Variants in GPC3 observed in about 807,000 individuals in gnomAD.
GPC3 encodes the protein glypican 3.
In GPC3, 3 loss-of-function variants were observed where a neutral mutation model predicts 34.4. That is an observed-to-expected ratio of 0.09 (90% CI 0.04 to 0.23). GPC3 has a LOEUF of 0.23. GPC3 is among the 10% of genes least tolerant of loss of function. The pLI is 1.00. For synonymous variants in GPC3, 177 were observed against 174.0 expected (o/e 1.02, Z -0.13); for missense variants, 351 against 445.6 (o/e 0.79, Z 1.91).
At chrX:133,937,124 A>C (rs1462687686) in intron 2 of GPC3, among the ~76,000 whole-genome samples, 2 of 110,379 alleles carry the variant, frequency 1.8e-5, no homozygotes, top group African/African-American at 3.3e-5. Flanking sequence ...GGGAAAACTA[A>C]AGCTCAGAGA....
At chrX:133,967,678 G>T (rs1569460474) in intron 1 of GPC3, among the ~76,000 whole-genome samples, 1 of 112,261 alleles carries the variant, frequency 8.9e-6, no homozygotes, top group Non-Finnish European at 1.9e-5. Flanking sequence ...GCCCAGGCTG[G>T]AGTGCAATGG....
At chrX:133,627,219 C>G (rs1423162015) in intron 6 of GPC3, among the ~76,000 whole-genome samples, 1 of 104,858 alleles carries the variant, frequency 9.5e-6, no homozygotes, top group Non-Finnish European at 2.0e-5. Context: ...ATGTAAATGA[C>G]GAGTCAATGG....
intron 1 of GPC3, among the ~76,000 whole-genome samples, chrX:133,984,134 C>A (rs887416479): frequency 3.5e-5 from 4 of 113,470 alleles, no homozygotes; most frequent in African/African-American, 1.3e-4. Flanking sequence ...GAGCCACCAG[C>A]CAAGTTTTGG....
chrX:133,802,021 C>A (rs1030736290), intron 2 of GPC3, among the ~76,000 whole-genome samples: 1 of 111,914 alleles, frequency 8.9e-6, no homozygotes, highest in South Asian at 3.7e-4. Context: ...CATTTCTGTT[C>A]GCCATTCCCA....
intron 3 of GPC3, among the ~76,000 whole-genome samples, chrX:133,748,774 C>T (rs998079790): frequency 1.8e-5 from 2 of 111,889 alleles, no homozygotes; most frequent in Admixed American, 9.5e-5. Context: ...CTGAACCTAA[C>T]ACTGCATTTA....
intron 2 of GPC3, among the ~76,000 whole-genome samples, chrX:133,757,555 A>G (rs755614502): frequency 9.0e-6 from 1 of 111,597 alleles, no homozygotes; most frequent in Non-Finnish European, 1.9e-5. Flanking sequence ...GGGCCTTTTC[A>G]GTAGTAGCTG....
intron 2 of GPC3, among the ~76,000 whole-genome samples, chrX:133,796,170 C>T (rs898735473): frequency 9.1e-6 from 1 of 110,126 alleles, no homozygotes; most frequent in Non-Finnish European, 1.9e-5. Flanking sequence ...TGGTCTCAAT[C>T]TCCTCACCTC....
intron 6 of GPC3, among the ~76,000 whole-genome samples, chrX:133,651,572 C>T (rs2070603864): frequency 9.0e-6 from 1 of 111,586 alleles, no homozygotes; most frequent in Admixed American, 9.6e-5. Flanking sequence ...CTAGTTTTCT[C>T]CTGTCATTGC....
At chrX:133,951,543 C>T (rs2076393214) in intron 2 of GPC3, among the ~76,000 whole-genome samples, 1 of 111,367 alleles carries the variant, frequency 9.0e-6, no homozygotes, top group Admixed American at 9.6e-5. Flanking sequence ...CTGCTTCAAC[C>T]CAATTCTCAT....
chrX:133,866,273 T>C lies in GPC3; in HGVS notation c.337+86777A>G, dbSNP rs778181367. On this transcript the variant is annotated intron_variant, in intron 2 of 7. Transcript: ENST00000370818. ...TTTTAGTGCACAACTGAGCATTAGGTTGCTATTTATTTAGGGGATTTTCAG... is the reference window on the plus strand; with the variant it reads ...TTTTAGTGCACAACTGAGCATTAGGCTGCTATTTATTTAGGGGATTTTCAG... 2.7e-5 allele frequency among the ~76,000 whole-genome samples: 3 copies of C among 111,871 alleles called. No individual in the cohort carries two copies. The South Asian group carries it at 1.1e-3, about 42-fold the overall frequency.
intron 6 of GPC3, among the ~76,000 whole-genome samples, chrX:133,610,163 A>G (rs1281509419): frequency 9.0e-6 from 1 of 111,557 alleles, no homozygotes; most frequent in Admixed American, 9.5e-5. Context: ...AACTCTTCCT[A>G]TTTTGGCTAG....
Position 133,536,281 on chromosome X carries a change from T to C in GPC3, c.1586A>G (p.Asp529Gly), listed in dbSNP as rs2069291174. The change falls in exon 8 of 8, where the codon GAT (aspartate) becomes GGT (glycine). Residue 529 changes from aspartate (D) to glycine (G), a missense_variant. Physicochemically the swap from Asp to Gly is moderately conservative, Grantham distance 94. Coordinates refer to ENST00000370818, the MANE Select transcript of GPC3 (RefSeq NM_004484.4). ...QLRFLAELAY[D>G]LDVDDAPGNS... Reference sequence around the variant, plus strand: ...TCCAGGCGCATCATCCACATCCAGATCATAGGCCAGTTCTGTCAATCAAAA... The same window carrying C: ...TCCAGGCGCATCATCCACATCCAGACCATAGGCCAGTTCTGTCAATCAAAA... 1 of 1,198,970 alleles carries C rather than the reference T, an allele frequency of 8.3e-7. No homozygotes were observed. Among genetic ancestry groups the C allele is most frequent in the Admixed American group, 2.2e-5 (1 of 45,507 alleles).
intron 2 of GPC3, among the ~76,000 whole-genome samples, chrX:133,773,062 A>T (rs1410568246): frequency 9.0e-6 from 1 of 110,521 alleles, no homozygotes; most frequent in Non-Finnish European, 1.9e-5. Flanking sequence ...TATTTTTATT[A>T]TTATTATTAT....
intron 4 of GPC3, among the ~76,000 whole-genome samples, chrX:133,696,623 T>C (rs2071120778): frequency 9.0e-6 from 1 of 111,729 alleles, no homozygotes; most frequent in South Asian, 3.8e-4. Context: ...TAGTAGCCCA[T>C]GACAGACAAC....
At chrX:133,881,783 T>C (rs1212842309) in intron 2 of GPC3, among the ~76,000 whole-genome samples, 4 of 112,456 alleles carry the variant, frequency 3.6e-5, no homozygotes, top group Non-Finnish European at 5.6e-5. Context: ...AGGAGATCAC[T>C]GAGCTCCAAC....
At chrX:133,948,186 A>G (rs758887295) in intron 2 of GPC3, among the ~76,000 whole-genome samples, 1 of 111,618 alleles carries the variant, frequency 9.0e-6, no homozygotes, top group Non-Finnish European at 1.9e-5. Context: ...GCAATTATTG[A>G]GTCACATATT....
chrX:133,810,032 T>G (rs2075656745), intron 2 of GPC3, among the ~76,000 whole-genome samples: 1 of 112,154 alleles, frequency 8.9e-6, no homozygotes, highest in East Asian at 2.8e-4. Flanking sequence ...ATTTATAAAC[T>G]TAATACCAGT....
chrX:133,602,917 G>T (rs1416701335), intron 6 of GPC3, among the ~76,000 whole-genome samples: 1 of 110,892 alleles, frequency 9.0e-6, no homozygotes. Flanking sequence ...TGTTGTAGAA[G>T]TAATATTTAA....
At chrX:133,980,455 GC>G (rs2124652319) in intron 1 of GPC3, among the ~76,000 whole-genome samples, 1 of 112,151 alleles carries the variant, frequency 8.9e-6, no homozygotes, top group East Asian at 2.8e-4. Context: ...ATGCTGTATG[GC>G]CTTGTGCTCA....
Sources: gnomAD v4.1 joint callset for allele counts (sites outside exome capture counted in the v4.1 genomes callset) on GRCh38, gnomAD v4.1.1 for gene constraint, MANE v1.5 for transcripts, NCBI Gene and HGNC (gene_info 2026-07-23, HGNC 2026-07-21) for gene names.